Variants in GLI3 observed in about 807,000 individuals in gnomAD.
GLI3 encodes the protein GLI family zinc finger 3, also known as transcription activator GLI3.
A neutral mutation model predicts 100.8 loss-of-function variants in GLI3; 20 were observed. The ratio of observed to expected loss-of-function variants is 0.20; its 90% CI spans 0.14 to 0.29. The LOEUF (loss-of-function observed/expected upper bound fraction) is 0.29. Among genes scored for constraint, GLI3 ranks in the 10% least tolerant of loss-of-function variants. The pLI, the probability that GLI3 is intolerant of heterozygous loss-of-function variation, is 1.00. For missense variants in GLI3, 2,040 were observed against 2,128.5 expected (o/e 0.96, Z 0.82); for synonymous variants, 938 against 860.5 (o/e 1.09, Z -1.58).
chr7:42,197,224 T>A (rs554027203), intron 2 of GLI3, among the ~76,000 whole-genome samples: 1 of 152,142 alleles, frequency 6.6e-6, no homozygotes, highest in Non-Finnish European at 1.5e-5. Context: ...AAAAATCAAG[T>A]CTTCACAACC....
At chr7:42,008,140 C>T (rs1407958221) in intron 10 of GLI3, among the ~76,000 whole-genome samples, 1 of 152,148 alleles carries the variant, frequency 6.6e-6, no homozygotes, top group East Asian at 1.9e-4. Context: ...CTCTGTATTA[C>T]CTCTATAATA....
chr7:42,028,385 G>A (rs1789184293), intron 7 of GLI3, among the ~76,000 whole-genome samples: 1 of 152,168 alleles, frequency 6.6e-6, no homozygotes, highest in African/African-American at 2.4e-5. Flanking sequence ...ATTAAAAATA[G>A]AGACCATTCA....
rs1787021783 is a variant in GLI3, at chr7:41,961,863, C to CCCT, written c.*2464_*2466dup. On this transcript the variant is annotated 3_prime_UTR_variant, in exon 15 of 15. Transcript: ENST00000395925. ...TGGAGGAGTATACTTTCTTCTTCCTCCCTCCTCTCCTCTGTCCTTCTGAAA... is the reference window on the plus strand; with the variant it reads ...TGGAGGAGTATACTTTCTTCTTCCTCCCTCCTCCTCTCCTCTGTCCTTCTGAAA... The CCCT allele has an allele frequency of 6.6e-6, 1 of 152,184 alleles. No individual in the cohort carries two copies. The highest frequency in any genetic ancestry group is 1.9e-4 in the East Asian group (1 of 5,206). 9.4% of individuals were successfully genotyped at this position (152,184 alleles called of 1,614,324 possible).
intron 2 of GLI3, among the ~76,000 whole-genome samples, chr7:42,179,272 C>T (rs899344765): frequency 6.6e-6 from 1 of 152,162 alleles, no homozygotes; most frequent in African/African-American, 2.4e-5. Context: ...AACCGAAAGT[C>T]CAATAAACTT....
At chr7:42,097,974 G>A (rs1262507711) in intron 3 of GLI3, among the ~76,000 whole-genome samples, 3 of 152,152 alleles carry the variant, frequency 2.0e-5, no homozygotes, top group Non-Finnish European at 4.4e-5. Context: ...ATCCCAGGAG[G>A]CATATGATAT....
At chr7:42,123,085 T>A (rs890241615) in intron 3 of GLI3, among the ~76,000 whole-genome samples, 63 of 152,366 alleles carry the variant, frequency 4.1e-4, no homozygotes, top group African/African-American at 1.5e-3. Flanking sequence ...AAGTCCATTA[T>A]CGACATTTAT....
At chr7:42,184,136 T>G (rs183883610) in intron 2 of GLI3, among the ~76,000 whole-genome samples, 1,730 of 152,240 alleles carry the variant, frequency 0.011, 17 homozygotes, top group Non-Finnish European at 0.018. Context: ...CTCTAGGAGG[T>G]GCCCTCTCTA....
chr7:42,030,696 G>GTTTTTTTTTTTTTGTTTTTTTTTTTTTTT (rs1789261667), intron 7 of GLI3, among the ~76,000 whole-genome samples: 1 of 133,472 alleles, frequency 7.5e-6, no homozygotes. Context: ...TTGTTGATTT[G>GTTTTTTTTTTTTTGTTTTTTTTTTTTTTT]TTTTTTTTTT....
chr7:41,983,945 G>A (rs1235411171), intron 10 of GLI3, among the ~76,000 whole-genome samples: 9 of 152,138 alleles, frequency 5.9e-5, no homozygotes, highest in Non-Finnish European at 8.8e-5. Context: ...AACTGTCATC[G>A]AATGGGAGCA....
intron 10 of GLI3, among the ~76,000 whole-genome samples, chr7:41,988,249 G>A (rs1787884578): frequency 6.6e-6 from 1 of 152,120 alleles, no homozygotes; most frequent in Non-Finnish European, 1.5e-5. Context: ...ATCACCTGAG[G>A]TCAGGAGTTT....
chr7:42,098,247 T>G (rs1304153356), intron 3 of GLI3, among the ~76,000 whole-genome samples: 5 of 152,172 alleles, frequency 3.3e-5, no homozygotes, highest in Non-Finnish European at 7.3e-5. Context: ...TTCTCATTAT[T>G]AGACCATAGA....
chr7:42,081,244 T>C (rs1448738754), intron 3 of GLI3, among the ~76,000 whole-genome samples: 1 of 152,176 alleles, frequency 6.6e-6, no homozygotes, highest in Non-Finnish European at 1.5e-5. Flanking sequence ...ATTAAAATTC[T>C]ACCAGGTGGG....
Position 42,056,112 on chromosome 7 carries a change from C to T in GLI3, c.474-7416G>A, listed in dbSNP as rs146802737. On this transcript the variant is annotated intron_variant, in intron 4 of 14. Coordinates refer to ENST00000395925, the MANE Select transcript of GLI3 (RefSeq NM_000168.6). ...CATGATTGTGAGGCCTCCCCAGCCA[C>T]GTGGAACTGTAAGTCCATTAAACTT... Among the ~76,000 whole-genome samples, 584 of 152,280 alleles carry T rather than the reference C, an allele frequency of 3.8e-3. 4 individuals carry two copies. The highest frequency in any genetic ancestry group is 0.013 in the African/African-American group (538 of 41,560).
At chr7:42,063,853 C>T (rs907847850) in intron 4 of GLI3, among the ~76,000 whole-genome samples, 1 of 152,142 alleles carries the variant, frequency 6.6e-6, no homozygotes, top group Admixed American at 6.6e-5. Flanking sequence ...TGAATTCAAA[C>T]CCAGTCTATG....
At chr7:42,107,371 A>G (rs1477322862) in intron 3 of GLI3, among the ~76,000 whole-genome samples, 1 of 152,148 alleles carries the variant, frequency 6.6e-6, no homozygotes. Context: ...GAAACACAAA[A>G]GCATCAGGGT....
intron 7 of GLI3, 78 bp from the exon 8 acceptor site, chr7:42,026,490 TA>T (rs1419380390): frequency 1.8e-6 from 2 of 1,082,382 alleles, no homozygotes; most frequent in African/African-American, 3.1e-5. Flanking sequence ...TGCAGCTTTC[TA>T]TCTATAATTT....
At chr7:42,238,025 TCTCCTCCTCCTC>T (rs936105925), upstream of GLI3, among the ~76,000 whole-genome samples, 10 of 108,976 alleles carry the variant, frequency 9.2e-5, no homozygotes, top group African/African-American at 2.4e-4. Flanking sequence ...TCCTCCTCCT[TCTCCTCCTCCTC>T]CTCCTCCTCC....
intron 6 of GLI3, 28 bp downstream of exon 6, chr7:42,045,356 G>T: frequency 6.2e-7 from 1 of 1,606,384 alleles, no homozygotes; most frequent in South Asian, 1.1e-5. Context: ...CATTTCCCAA[G>T]ACTCTAGAAA....
intron 10 of GLI3, among the ~76,000 whole-genome samples, chr7:41,997,938 T>C (rs1788172115): frequency 6.6e-6 from 1 of 152,212 alleles, no homozygotes; most frequent in Non-Finnish European, 1.5e-5. Context: ...TGATGTTTTC[T>C]TGCTCTACGT....
Sources: gnomAD v4.1 joint callset for allele counts (sites outside exome capture counted in the v4.1 genomes callset) on GRCh38, gnomAD v4.1.1 for gene constraint, MANE v1.5 for transcripts, NCBI Gene and HGNC (gene_info 2026-07-23, HGNC 2026-07-21) for gene names.